The following P3H2 variants were observed in gnomAD, a reference collection of about 807,000 sequenced individuals.
P3H2 encodes the protein leprecan-like 1.
P3H2 carries 80 observed loss-of-function variants against 87.0 expected under a neutral mutation model. The ratio of observed to expected loss-of-function variants is 0.92; its 90% CI spans 0.77 to 1.11. The LOEUF is 1.11. Ranked by LOEUF, P3H2 falls within the 50% of genes least tolerant of loss-of-function variation. P3H2 has a pLI of 0.00. For synonymous variants in P3H2, 367 were observed against 359.3 expected (o/e 1.02, Z -0.24); for missense variants, 1,001 against 923.9 (o/e 1.08, Z -1.08).
intron 1 of P3H2, among the ~76,000 whole-genome samples, chr3:190,117,083 G>A (rs1456665044): frequency 2.0e-5 from 3 of 152,152 alleles, no homozygotes; most frequent in East Asian, 1.9e-4. Context: ...GAAAGCTATC[G>A]GAATCAGTTA....
At chr3:189,967,127 C>G (rs1489055191) in intron 13 of P3H2, among the ~76,000 whole-genome samples, 1 of 152,008 alleles carries the variant, frequency 6.6e-6, no homozygotes, top group Non-Finnish European at 1.5e-5. Context: ...AAGATAAGAA[C>G]TGCCTTACGT....
At chr3:190,071,744 C>T (rs570322882) in intron 1 of P3H2, among the ~76,000 whole-genome samples, 7 of 151,906 alleles carry the variant, frequency 4.6e-5, no homozygotes, top group Admixed American at 1.3e-4. Context: ...CTAGGATTCA[C>T]GTCAAATTAG....
At chr3:190,038,487 A>G (rs551327523) in intron 1 of P3H2, among the ~76,000 whole-genome samples, 1,301 of 8,476 alleles carry the variant, frequency 0.15, 9 homozygotes, top group Non-Finnish European at 0.18. Flanking sequence ...CTGCAGAATG[A>G]AAAAAAAAAA....
At chr3:190,096,735 A>G (rs1383930749) in intron 1 of P3H2, among the ~76,000 whole-genome samples, 1 of 152,184 alleles carries the variant, frequency 6.6e-6, no homozygotes, top group Non-Finnish European at 1.5e-5. Flanking sequence ...TAGGTCAATG[A>G]ACACAGACAC....
intron 1 of P3H2, among the ~76,000 whole-genome samples, chr3:190,059,027 T>A (rs1577301810): frequency 6.6e-6 from 1 of 152,170 alleles, no homozygotes; most frequent in East Asian, 1.9e-4. Flanking sequence ...GCTGATCCCC[T>A]TTCTCGATCA....
chr3:190,024,156 ATATC>A (rs1034802197), intron 1 of P3H2, among the ~76,000 whole-genome samples: 5 of 152,214 alleles, frequency 3.3e-5, no homozygotes, highest in African/African-American at 9.7e-5. Flanking sequence ...GAATTTTAAA[ATATC>A]TATCAGAGTA....
rs150087083 is a variant in P3H2 at position 190,093,623 on chromosome 3, A to T, written c.480+26629T>A. Among the ~76,000 whole-genome samples the T allele has an allele frequency of 4.4e-4, 67 of 152,364 alleles. No individual in the cohort carries two copies. The East Asian group carries it at 7.7e-3, about 18-fold the overall frequency. On this transcript the variant is annotated intron_variant, in intron 1 of 14. Transcript: ENST00000319332. ...CATCTTCAGAAACTGAAGTCATCAA[A>T]GGTGTCCAGGATGGAGAAGAGAGAG...
chr3:190,071,024 G>C (rs570269991), intron 1 of P3H2, among the ~76,000 whole-genome samples: 1 of 152,268 alleles, frequency 6.6e-6, no homozygotes, highest in Non-Finnish European at 1.5e-5. Context: ...CTTTTTTCCG[G>C]ATTATAAAAC....
intron 1 of P3H2, among the ~76,000 whole-genome samples, chr3:190,079,186 T>A (rs898334976): frequency 5.9e-5 from 9 of 151,466 alleles, no homozygotes; most frequent in African/African-American, 1.9e-4. Context: ...ACTAAAAATA[T>A]AAAAATTAGC....
At chr3:190,006,393 A>G (rs1323051853) in intron 1 of P3H2, among the ~76,000 whole-genome samples, 1 of 152,176 alleles carries the variant, frequency 6.6e-6, no homozygotes, top group Non-Finnish European at 1.5e-5. Context: ...GACACTTGGG[A>G]TTTTAGTCAC....
At chr3:190,039,245 A>G (rs1426286880) in intron 1 of P3H2, among the ~76,000 whole-genome samples, 1 of 152,138 alleles carries the variant, frequency 6.6e-6, no homozygotes, top group Non-Finnish European at 1.5e-5. Context: ...TTTATGGAGC[A>G]TATGATTGTT....
chr3:189,973,889 A>C lies in P3H2; in HGVS notation c.1548+20T>G. The C allele has an allele frequency of 6.3e-7, 1 of 1,589,478 alleles. No homozygotes were observed. Among genetic ancestry groups the C allele is most frequent in the Non-Finnish European group, 8.6e-7 (1 of 1,157,652 alleles). Reference sequence around the variant, plus strand: ...GGCTGACACTAAGGAACTCAAACCCAAAAGAAGTTAAGACTTTACTTTGAG... The same window carrying C: ...GGCTGACACTAAGGAACTCAAACCCCAAAGAAGTTAAGACTTTACTTTGAG... On this transcript the variant is annotated intron_variant, in intron 10 of 14. Transcript: ENST00000319332.
chr3:189,994,305 AAAACAAACAAAC>A (rs3836444), intron 2 of P3H2, 22 bp from the exon 3 acceptor site: 13 of 1,230,538 alleles, frequency 1.1e-5, no homozygotes, highest in African/African-American at 8.6e-5. Flanking sequence ...CAGACGGGAA[AAAACAAACAAAC>A]AAACAAACAA....
intron 1 of P3H2, among the ~76,000 whole-genome samples, chr3:190,065,685 C>T (rs1726473720): frequency 6.6e-6 from 1 of 152,048 alleles, no homozygotes; most frequent in African/African-American, 2.4e-5. Context: ...AAATGTCCTA[C>T]ACGTATTTGG....
chr3:190,104,781 T>A (rs947842765), intron 1 of P3H2, among the ~76,000 whole-genome samples: 2 of 152,206 alleles, frequency 1.3e-5, no homozygotes, highest in Non-Finnish European at 2.9e-5. Context: ...TCAGATGTCA[T>A]CTCATGGAGA....
intron 1 of P3H2, among the ~76,000 whole-genome samples, chr3:190,060,609 T>C (rs1261126306): frequency 6.6e-6 from 1 of 152,220 alleles, no homozygotes; most frequent in African/African-American, 2.4e-5. Flanking sequence ...TGATGCACTG[T>C]ATCTTAGTCA....
rs1236844565 is a variant in P3H2, at chr3:190,066,973, T to C, written c.480+53279A>G. ...CTGGATGGACAATAATTCTCTCCAC[T>C]ACATTCACATGTAGTTTATTCTTTT... On this transcript the variant is annotated intron_variant, in intron 1 of 14. Coordinates refer to ENST00000319332, the MANE Select transcript of P3H2 (RefSeq NM_018192.4). Among the ~76,000 whole-genome samples, 4 of 151,928 alleles carry C rather than the reference T, an allele frequency of 2.6e-5. No homozygotes were observed. In the South Asian group the frequency reaches 6.2e-4, roughly 24 times the overall value.
At chr3:190,087,550 A>G (rs1727263646) in intron 1 of P3H2, among the ~76,000 whole-genome samples, 1 of 151,674 alleles carries the variant, frequency 6.6e-6, no homozygotes, top group Non-Finnish European at 1.5e-5. Context: ...TCTCAAAAAA[A>G]AAAAAAAAAA....
At chr3:189,989,680 A>G (rs567775526) in intron 3 of P3H2, among the ~76,000 whole-genome samples, 27 of 152,326 alleles carry the variant, frequency 1.8e-4, no homozygotes, top group Non-Finnish European at 1.5e-5. Context: ...TACTAAGTAC[A>G]TTGTATATTC....
Sources: gnomAD v4.1 joint callset for allele counts (sites outside exome capture counted in the v4.1 genomes callset) on GRCh38, gnomAD v4.1.1 for gene constraint, MANE v1.5 for transcripts, NCBI Gene and HGNC (gene_info 2026-07-23, HGNC 2026-07-21) for gene names.